The following NHSL3 variants were observed in gnomAD, a reference collection of about 807,000 sequenced individuals.
NHSL3 encodes the protein NHS-like protein 3.
chr1:32,762,688 C>G, the NHSL3 span, among the ~76,000 whole-genome samples: 1 of 151,994 alleles, frequency 6.6e-6, no homozygotes, highest in African/African-American at 2.4e-5. Context: ...CTCCCGGATT[C>G]AAGCGATTTT....
chr1:32,752,031 G>GC, the NHSL3 span, among the ~76,000 whole-genome samples: 1 of 152,086 alleles, frequency 6.6e-6, no homozygotes, highest in Non-Finnish European at 1.5e-5. Context: ...CTTTTTATGG[G>GC]CCCCAGTTTC....
At chr1:32,770,636 G>T in the NHSL3 span, 1 of 1,518,608 alleles carries the variant, frequency 6.6e-7, no homozygotes, top group Non-Finnish European at 8.8e-7. This position sits in a 1 kb window ranked among gnomAD's most constrained non-coding sequence, Gnocchi z 8.3. Flanking sequence ...CAGTTGTCTG[G>T]CCGGAGTGTG....
At chr1:32,772,512 G>A in the NHSL3 span, 23 of 1,494,042 alleles carry the variant, frequency 1.5e-5, no homozygotes, top group Non-Finnish European at 2.0e-5. Flanking sequence ...GTCCCGCCAT[G>A]GGGGATTTGT....
chr1:32,767,974 C>T, the NHSL3 span: 22 of 1,611,618 alleles, frequency 1.4e-5, no homozygotes, highest in Non-Finnish European at 1.8e-5. Context: ...TTCCTCTCCA[C>T]TCCCCTCCCC....
At chr1:32,772,242 T>A in the NHSL3 span, 1 of 1,603,636 alleles carries the variant, frequency 6.2e-7, no homozygotes, top group Non-Finnish European at 8.5e-7. Context: ...CACCTAAGGC[T>A]CCCCCACCTG....
At chr1:32,762,466 A>AC in the NHSL3 span, among the ~76,000 whole-genome samples, 7 of 145,314 alleles carry the variant, frequency 4.8e-5, no homozygotes, top group Non-Finnish European at 1.1e-4. Context: ...TTATATATTT[A>AC]CTTTTTTTTT....
At chr1:32,772,589 C>T in the NHSL3 span, 2 of 1,347,392 alleles carry the variant, frequency 1.5e-6, no homozygotes, top group Non-Finnish European at 9.8e-7. Flanking sequence ...CTTGCTGGGG[C>T]CCAGAGGAGA....
chr1:32,764,232 A>G, the NHSL3 span, among the ~76,000 whole-genome samples: 1 of 149,048 alleles, frequency 6.7e-6, no homozygotes, highest in African/African-American at 2.5e-5. Context: ...GCCCCACCAA[A>G]GCTTCCTGTT....
chr1:32,754,790 A>G, the NHSL3 span, among the ~76,000 whole-genome samples: 1 of 152,110 alleles, frequency 6.6e-6, no homozygotes, highest in African/African-American at 2.4e-5. Context: ...AGGGGAGACA[A>G]AGGTGGAAGG....
chr1:32,744,260 C>G, the NHSL3 span, among the ~76,000 whole-genome samples: 2 of 152,092 alleles, frequency 1.3e-5, no homozygotes, highest in Non-Finnish European at 2.9e-5. Flanking sequence ...ATCTGACTCT[C>G]CTACTTTAAG....
At chr1:32,745,121 GA>G in the NHSL3 span, among the ~76,000 whole-genome samples, 41 of 106,234 alleles carry the variant, frequency 3.9e-4, 1 homozygote, top group Middle Eastern at 5.5e-3. Context: ...GCGAGACTCA[GA>G]AAAAAAAAAA....
the NHSL3 span, among the ~76,000 whole-genome samples, chr1:32,764,480 T>C: frequency 6.6e-6 from 1 of 152,012 alleles, no homozygotes; most frequent in African/African-American, 2.4e-5. Context: ...TCTTTTTTTT[T>C]TTTTTGAAAT....
At chr1:32,748,396 GTC>G in the NHSL3 span, among the ~76,000 whole-genome samples, 1 of 152,202 alleles carries the variant, frequency 6.6e-6, no homozygotes, top group African/African-American at 2.4e-5. Context: ...TCAGAGTCAA[GTC>G]TCTGGGGTCG....
At chr1:32,750,752 C>T in the NHSL3 span, among the ~76,000 whole-genome samples, 4 of 151,924 alleles carry the variant, frequency 2.6e-5, no homozygotes, top group East Asian at 3.9e-4. Flanking sequence ...GTGATCTGCC[C>T]GCCTCAGCCT....
chr1:32,761,479 T>C, the NHSL3 span, among the ~76,000 whole-genome samples: 1 of 152,134 alleles, frequency 6.6e-6, no homozygotes, highest in Non-Finnish European at 1.5e-5. Context: ...TGAGCTGATG[T>C]TCCTCCACCC....
chr1:32,758,635 C>T, the NHSL3 span, among the ~76,000 whole-genome samples: 3 of 152,018 alleles, frequency 2.0e-5, no homozygotes, highest in African/African-American at 7.2e-5. Flanking sequence ...GCGGAATCTC[C>T]TTGCTGCCCC....
At chr1:32,755,412 G>A in the NHSL3 span, among the ~76,000 whole-genome samples, 1 of 152,154 alleles carries the variant, frequency 6.6e-6, no homozygotes, top group African/African-American at 2.4e-5. Context: ...GGAGCTTGAT[G>A]ATCTCATCGC....
chr1:32,765,788 C>T, the NHSL3 span: 2 of 1,547,700 alleles, frequency 1.3e-6, no homozygotes, highest in Non-Finnish European at 1.7e-6. Context: ...GTTCGTTGGC[C>T]GCCGCCTCCC....
the NHSL3 span, among the ~76,000 whole-genome samples, chr1:32,764,052 G>T: frequency 6.6e-6 from 1 of 151,810 alleles, no homozygotes; most frequent in Non-Finnish European, 1.5e-5. Flanking sequence ...GTAGAGATAG[G>T]ATCTTGCCTT....
Sources: gnomAD v4.1 joint callset for allele counts (sites outside exome capture counted in the v4.1 genomes callset) on GRCh38, gnomAD v4.1.1 for gene constraint, Gnocchi (gnomAD v3.1) non-coding constraint, MANE v1.5 for transcripts, NCBI Gene and HGNC (gene_info 2026-07-23, HGNC 2026-07-21) for gene names.